Variants in PDE4D observed in about 807,000 individuals in gnomAD.
PDE4D encodes the protein phosphodiesterase 4D.
In PDE4D, 24 loss-of-function variants were observed where a neutral mutation model predicts 87.4. That is an observed-to-expected ratio of 0.27 (90% CI 0.20 to 0.39). The LOEUF is 0.39. PDE4D is among the 10% of genes least tolerant of loss of function. The probability of loss-of-function intolerance (pLI) is 1.00; values close to 1 mark genes in which losing one functional copy is unlikely to be tolerated. For missense variants in PDE4D, 714 were observed against 1,041.0 expected, an observed-to-expected ratio of 0.69 and a Z score of 4.32; for synonymous variants, 384 against 383.2, an observed-to-expected ratio of 1.00 and a Z score of -0.02.
intron 6 of PDE4D, among the ~76,000 whole-genome samples, chr5:59,022,875 T>A (rs936107000): frequency 7.9e-5 from 12 of 152,202 alleles, no homozygotes; most frequent in Non-Finnish European, 1.8e-4. Flanking sequence ...TTTGGATATA[T>A]TTTGAAAATA....
At chr5:59,102,603 G>A (rs546301732) in intron 5 of PDE4D, among the ~76,000 whole-genome samples, 13 of 152,220 alleles carry the variant, frequency 8.5e-5, no homozygotes, top group Admixed American at 1.3e-4. Flanking sequence ...AGACAATAGC[G>A]GTAACCCTTC....
intron 1 of PDE4D, among the ~76,000 whole-genome samples, chr5:59,372,889 G>T (rs767053006): frequency 6.6e-6 from 1 of 152,116 alleles, no homozygotes; most frequent in Non-Finnish European, 1.5e-5. Flanking sequence ...CAGAGTTAGT[G>T]CACACAGTCC....
chr5:60,277,323 G>T (rs1315777093), intron 1 of PDE4D, among the ~76,000 whole-genome samples: 1 of 152,012 alleles, frequency 6.6e-6, no homozygotes, highest in Non-Finnish European at 1.5e-5. Context: ...CAAAAAAGAA[G>T]AAGTAAAATT....
chr5:59,300,994 G>A (rs1466714917), intron 1 of PDE4D, among the ~76,000 whole-genome samples: 1 of 152,180 alleles, frequency 6.6e-6, no homozygotes, highest in Non-Finnish European at 1.5e-5. Context: ...ATGCATATAG[G>A]GTGAGGTATG....
Position 58,974,358 on chromosome 5 carries a change from G to C in PDE4D, c.*306C>G, listed in dbSNP as rs1178950369. 1 of 219,546 alleles carries C rather than the reference G, an allele frequency of 4.6e-6. No homozygotes were observed. The highest frequency in any genetic ancestry group is 2.3e-5 in the African/African-American group (1 of 44,058). 13.6% of individuals were successfully genotyped at this position (219,546 alleles called of 1,614,324 possible). A position where few individuals can be genotyped will look rare whatever the true frequency, so the allele number is the denominator to read the frequency against. On this transcript the variant is annotated 3_prime_UTR_variant, in exon 15 of 15. Transcript: ENST00000340635. ...CCCAAGTCCAATAAACTTTTGGGCT[G>C]CCTGATGAGTCACACTCTCTTGAAA...
intron 1 of PDE4D, among the ~76,000 whole-genome samples, chr5:59,680,662 A>G (rs1748852444): frequency 6.6e-6 from 1 of 152,178 alleles, no homozygotes; most frequent in Admixed American, 6.5e-5. Flanking sequence ...CTAAAAGTCT[A>G]CTTACTGAAA....
upstream of PDE4D, among the ~76,000 whole-genome samples, chr5:59,898,472 T>TA (rs1264798073): frequency 3.9e-5 from 6 of 152,186 alleles, no homozygotes. Flanking sequence ...ATTCAACCCT[T>TA]ACAGCTCAGT....
chr5:59,180,338 T>C, intron 5 of PDE4D: 1 of 655,156 alleles, frequency 1.5e-6, no homozygotes, highest in Non-Finnish European at 2.8e-6. Context: ...CCCAGAGCAA[T>C]GCTCAAATGA....
At chr5:59,956,714 G>C (rs1373292731) in intron 3 of PDE4D, among the ~76,000 whole-genome samples, 1 of 152,086 alleles carries the variant, frequency 6.6e-6, no homozygotes, top group Non-Finnish European at 1.5e-5. Context: ...TGCTTATTCA[G>C]AGTCTGCTTT....
chr5:59,390,195 T>G (rs1787958203), intron 1 of PDE4D, among the ~76,000 whole-genome samples: 1 of 152,128 alleles, frequency 6.6e-6, no homozygotes, highest in African/African-American at 2.4e-5. Context: ...GAAATTCTAT[T>G]TTTGCAACTT....
chr5:60,342,529 G>A (rs79372431), intron 1 of PDE4D, among the ~76,000 whole-genome samples: 3,198 of 152,178 alleles, frequency 0.021, 102 homozygotes, highest in African/African-American at 0.073. Flanking sequence ...AATAACTGAC[G>A]TGGAGGAAAG....
intron 1 of PDE4D, among the ~76,000 whole-genome samples, chr5:59,854,440 T>C (rs925849349): frequency 4.6e-5 from 7 of 152,070 alleles, no homozygotes; most frequent in Admixed American, 4.6e-4. Flanking sequence ...TTAATTATCT[T>C]CATTCCTTTT....
chr5:60,459,660 T>C (rs1230730430), intron 1 of PDE4D, among the ~76,000 whole-genome samples: 1 of 152,128 alleles, frequency 6.6e-6, no homozygotes. Flanking sequence ...AAAAATGAAT[T>C]TCAAACAGAA....
intron 1 of PDE4D, among the ~76,000 whole-genome samples, chr5:59,854,267 T>C (rs1489247502): frequency 6.7e-6 from 1 of 149,094 alleles, no homozygotes; most frequent in Non-Finnish European, 1.5e-5. Flanking sequence ...AACTAATTTT[T>C]TCATGTTATC....
chr5:60,237,340 C>G (rs368594943), intron 1 of PDE4D, among the ~76,000 whole-genome samples: 1 of 151,844 alleles, frequency 6.6e-6, no homozygotes, highest in East Asian at 1.9e-4. Context: ...TTTGTAGTAG[C>G]CAAAAATTGA....
intron 1 of PDE4D, among the ~76,000 whole-genome samples, chr5:60,276,806 C>T (rs560791596): frequency 1.2e-4 from 18 of 151,650 alleles, no homozygotes; most frequent in Admixed American, 3.3e-4. Context: ...ACCTCTTTGT[C>T]ACTAGTATTT....
chr5:59,739,324 A>G (rs1401146200), intron 1 of PDE4D, among the ~76,000 whole-genome samples: 2 of 151,710 alleles, frequency 1.3e-5, no homozygotes, highest in African/African-American at 2.4e-5. Context: ...GGAGGCTGAG[A>G]TGAGAGGATC....
At chr5:59,485,131 T>A (rs1804894708) in intron 1 of PDE4D, among the ~76,000 whole-genome samples, 1 of 152,206 alleles carries the variant, frequency 6.6e-6, no homozygotes, top group Admixed American at 6.5e-5. Flanking sequence ...GGTGGGTTTT[T>A]ATAACCTACC....
intron 1 of PDE4D, among the ~76,000 whole-genome samples, chr5:60,246,867 G>T (rs1747839545): frequency 6.6e-6 from 1 of 151,912 alleles, no homozygotes; most frequent in African/African-American, 2.4e-5. Flanking sequence ...TGGTTGAATG[G>T]TATCTTTCTC....
Sources: gnomAD v4.1 joint callset for allele counts (sites outside exome capture counted in the v4.1 genomes callset) on GRCh38, gnomAD v4.1.1 for gene constraint, MANE v1.5 for transcripts, NCBI Gene and HGNC (gene_info 2026-07-23, HGNC 2026-07-21) for gene names.